Variants in PCDH7 observed in about 807,000 individuals in gnomAD.
PCDH7 encodes the protein protocadherin-7.
A neutral mutation model predicts 58.9 loss-of-function variants in PCDH7; 17 were observed. That is an observed-to-expected ratio of 0.29 (90% CI 0.20 to 0.43). PCDH7 has a LOEUF of 0.43. Among genes scored for constraint, PCDH7 ranks in the 20% least tolerant of loss-of-function variants. The pLI is 1.00. For missense variants in PCDH7, 1,274 were observed against 1,441.0 expected (o/e 0.88, Z 1.88); for synonymous variants, 664 against 616.4 (o/e 1.08, Z -1.14).
chr4:31,006,754 T>A (rs1752794750), intron 3 of PCDH7, among the ~76,000 whole-genome samples: 1 of 151,796 alleles, frequency 6.6e-6, no homozygotes, highest in Non-Finnish European at 1.5e-5. Context: ...TAGCCAGGTG[T>A]AGTGGTGCAT....
At chr4:30,795,711 T>C (rs1331791242) in intron 1 of PCDH7, among the ~76,000 whole-genome samples, 1 of 152,220 alleles carries the variant, frequency 6.6e-6, no homozygotes, top group African/African-American at 2.4e-5. Context: ...AGCTATTTAT[T>C]GGTATAGATT....
intron 2 of PCDH7, among the ~76,000 whole-genome samples, chr4:30,923,367 T>C (rs1194640667): frequency 6.6e-6 from 1 of 152,046 alleles, no homozygotes; most frequent in East Asian, 1.9e-4. Flanking sequence ...AACAAGAAAA[T>C]TTAAGTGAAA....
chr4:30,840,236 T>G (rs971205110), intron 1 of PCDH7, among the ~76,000 whole-genome samples: 6 of 152,120 alleles, frequency 3.9e-5, no homozygotes, highest in Admixed American at 3.3e-4. Context: ...AAAACTGCTG[T>G]CTTAGCATTT....
intron 3 of PCDH7, among the ~76,000 whole-genome samples, chr4:30,984,408 G>T (rs1750806401): frequency 6.6e-6 from 1 of 152,134 alleles, no homozygotes; most frequent in Admixed American, 6.5e-5. Context: ...CCTATATTTG[G>T]TCTTGAATCT....
rs535414814 is a variant in PCDH7 at position 30,854,287 on chromosome 4, G to A, written c.71-65866G>A. Among the ~76,000 whole-genome samples, 3 of 147,570 alleles carry A rather than the reference G, an allele frequency of 2.0e-5. No individual in the cohort carries two copies. The East Asian group carries it at 6.0e-4, about 29-fold the overall frequency. On this transcript the variant is annotated intron_variant, in intron 1 of 3. Transcript: ENST00000509759. ...TTGTGGGACGTTTAACTGCATCCCT[G>A]GCCCTACATACTAGATGCCAGTAGT...
chr4:30,969,786 A>G (rs1344921712), intron 3 of PCDH7, among the ~76,000 whole-genome samples: 1 of 152,206 alleles, frequency 6.6e-6, no homozygotes, highest in Non-Finnish European at 1.5e-5. Flanking sequence ...TCTGGTTTTA[A>G]ATAATGATAG....
intron 3 of PCDH7, among the ~76,000 whole-genome samples, chr4:30,999,799 T>C (rs968496176): frequency 6.6e-6 from 1 of 152,118 alleles, no homozygotes; most frequent in Non-Finnish European, 1.5e-5. Context: ...ATAGATCTAA[T>C]GTGTTAAAGT....
At chr4:30,736,635 G>A (rs892869001), downstream of PCDH7, among the ~76,000 whole-genome samples, 1 of 149,622 alleles carries the variant, frequency 6.7e-6, no homozygotes, top group Non-Finnish European at 1.5e-5. Flanking sequence ...TCCCGGATTC[G>A]CGCCATTCTC....
chr4:30,964,242 AT>A lies in PCDH7; in HGVS notation c.*7+14030del, dbSNP rs1250300930. ...AGTAGTTTTATTTATTTATTTATTT[AT>A]TTATTTATTTTTTTTTGAGATGAAA... On this transcript the variant is annotated intron_variant, in intron 3 of 3. Coordinates refer to the PCDH7 transcript ENST00000509759. Among the ~76,000 whole-genome samples, 9 of 48,410 alleles carry A rather than the reference AT, an allele frequency of 1.9e-4. No individual in the cohort carries two copies. In the African/African-American group the frequency reaches 1.9e-3, roughly 10 times the overall value. The allele number at this position is 48,410 out of a possible 152,430, so 31.8% of individuals were successfully genotyped here. A position where few individuals can be genotyped will look rare whatever the true frequency, so the allele number is the denominator to read the frequency against.
At chr4:31,056,517 G>GAAAGAAAGAAA (rs1491230659) in intron 3 of PCDH7, among the ~76,000 whole-genome samples, 9 of 95,030 alleles carry the variant, frequency 9.5e-5, no homozygotes, top group Admixed American at 2.0e-4. Flanking sequence ...AAGAAAGAAA[G>GAAAGAAAGAAA]GGGAAGGGAA....
intron 3 of PCDH7, among the ~76,000 whole-genome samples, chr4:30,956,212 A>T (rs1747851125): frequency 2.0e-5 from 3 of 151,096 alleles, no homozygotes; most frequent in Non-Finnish European, 4.4e-5. Context: ...TGGGCAACAG[A>T]GTGAGACTGC....
chr4:31,015,326 TTGTAGAATACATC>T (rs1753520638), intron 3 of PCDH7, among the ~76,000 whole-genome samples: 1 of 152,166 alleles, frequency 6.6e-6, no homozygotes, highest in African/African-American at 2.4e-5. Flanking sequence ...TCCATGACAG[TTGTAGAATACATC>T]CTTACAGAGG....
At chr4:31,141,315 C>T (rs1271027105) in intron 3 of PCDH7, among the ~76,000 whole-genome samples, 1 of 152,172 alleles carries the variant, frequency 6.6e-6, no homozygotes, top group Non-Finnish European at 1.5e-5. Flanking sequence ...GTCTTTAAGT[C>T]CCAAGCCTTG....
intron 3 of PCDH7, among the ~76,000 whole-genome samples, chr4:31,032,335 T>C (rs1306523181): frequency 6.6e-6 from 1 of 152,144 alleles, no homozygotes; most frequent in African/African-American, 2.4e-5. Flanking sequence ...TGGCTGGACC[T>C]TGTGGCTCAC....
chr4:30,961,208 T>C (rs1452873797), intron 3 of PCDH7, among the ~76,000 whole-genome samples: 1 of 152,034 alleles, frequency 6.6e-6, no homozygotes, highest in Non-Finnish European at 1.5e-5. Context: ...TAATATTATA[T>C]CTTACAAAAA....
chr4:31,011,001 A>G (rs1753140502), intron 3 of PCDH7, among the ~76,000 whole-genome samples: 1 of 152,070 alleles, frequency 6.6e-6, no homozygotes, highest in South Asian at 2.1e-4. Context: ...TTTCCCCTAT[A>G]TCACAATAGC....
At chr4:31,062,431 A>G (rs1430569800) in intron 3 of PCDH7, among the ~76,000 whole-genome samples, 2 of 151,804 alleles carry the variant, frequency 1.3e-5, no homozygotes, top group East Asian at 3.9e-4. Flanking sequence ...TTCATTTAAA[A>G]TATCTAATTT....
At chr4:30,777,999 A>T (rs1156344477) in intron 1 of PCDH7, among the ~76,000 whole-genome samples, 2 of 152,142 alleles carry the variant, frequency 1.3e-5, no homozygotes, top group South Asian at 4.1e-4. Context: ...CCATAATATG[A>T]TCTATCCTTT....
chr4:31,080,097 TA>T (rs1379409490), intron 3 of PCDH7, among the ~76,000 whole-genome samples: 7 of 152,180 alleles, frequency 4.6e-5, no homozygotes, highest in Non-Finnish European at 2.9e-5. Context: ...TTAACTTAGC[TA>T]TTAAATCCTT....
Sources: gnomAD v4.1 joint callset for allele counts (sites outside exome capture counted in the v4.1 genomes callset) on GRCh38, gnomAD v4.1.1 for gene constraint, MANE v1.5 for transcripts, NCBI Gene and HGNC (gene_info 2026-07-23, HGNC 2026-07-21) for gene names.